Variants in ZIM3 observed in about 807,000 individuals in gnomAD.
The protein encoded by ZIM3 is zinc finger protein 657.
Under a neutral mutation model 12.9 loss-of-function variants are expected in ZIM3, and 11 were observed. The observed-to-expected ratio is 0.85, with a 90% CI of 0.54 to 1.41. The LOEUF (loss-of-function observed/expected upper bound fraction) is 1.41, where lower values mean the gene tolerates loss of function less well. Among genes scored for constraint, ZIM3 ranks in the 40% most tolerant of loss-of-function variants. The pLI is 0.00. For synonymous variants in ZIM3, 205 were observed against 198.5 expected, an observed-to-expected ratio of 1.03 and a Z score of -0.28; for missense variants, 604 against 557.2, an observed-to-expected ratio of 1.08 and a Z score of -0.85.
In ZIM3 at chr19:57,136,989, G is replaced by A. The variant is rs767417547; in HGVS notation, c.143-18C>T. Reference sequence around the variant, plus strand: ...CCCTTGTCCTGTGATGGAAGATACCGCAAGGCTTGGTGTTTGTGGATGTGT... The same window carrying A: ...CCCTTGTCCTGTGATGGAAGATACCACAAGGCTTGGTGTTTGTGGATGTGT... On this transcript the variant is annotated intron_variant, in intron 3 of 4. Coordinates refer to ENST00000269834, the MANE Select transcript of ZIM3 (RefSeq NM_052882.1). 1.8e-5 allele frequency: 29 copies of A among 1,612,090 alleles called. No homozygotes were observed. Among genetic ancestry groups the A allele is most frequent in the Admixed American group, 1.7e-4 (10 of 59,976 alleles).
intron 2 of ZIM3, among the ~76,000 whole-genome samples, chr19:57,140,317 C>T (rs542924207): frequency 6.6e-6 from 1 of 152,108 alleles, no homozygotes; most frequent in Non-Finnish European, 1.5e-5. Context: ...GCTGGGATTA[C>T]AGGCGCGCAC....
intron 2 of ZIM3, among the ~76,000 whole-genome samples, chr19:57,141,628 A>G (rs2086914420): frequency 6.6e-6 from 1 of 152,086 alleles, no homozygotes; most frequent in African/African-American, 2.4e-5. Flanking sequence ...AGGCAGGCAG[A>G]TCACCTGAGG....
intron 3 of ZIM3, 56 bp downstream of exon 3, chr19:57,138,416 T>A: frequency 1.9e-6 from 3 of 1,613,012 alleles, no homozygotes; most frequent in Non-Finnish European, 2.5e-6. Context: ...CCATGGGGTG[T>A]CTGTGTGTTT....
chr19:57,136,082 G>A lies in ZIM3; in HGVS notation c.255C>T (p.Asp85=). 1 of 1,603,782 alleles carries A rather than the reference G, an allele frequency of 6.2e-7. No homozygotes were observed. Among genetic ancestry groups the A allele is most frequent in the Non-Finnish European group, 8.5e-7 (1 of 1,175,978 alleles). ...TTGGCTTCCAAATCTGCCCTCCAAT[G>A]TCCCCATTTTTTTCTAAAATGGAAT... ...LGSGRAEKNG[D]IGGQIWKPKD... is the part of the protein sequence containing the mutation. Residue 85 remains aspartate, a synonymous_variant, in exon 5 of 5, where the codon GAC becomes GAT. Transcript: ENST00000269834.
chr19:57,144,129 G>A (rs2086927043), intron 1 of ZIM3, among the ~76,000 whole-genome samples: 1 of 152,162 alleles, frequency 6.6e-6, no homozygotes, highest in African/African-American at 2.4e-5. Context: ...CCGGCTCACA[G>A]CAGTTTAAAA....
chr19:57,140,788 G>A (rs1430023245), intron 2 of ZIM3, among the ~76,000 whole-genome samples: 3 of 152,114 alleles, frequency 2.0e-5, no homozygotes, highest in African/African-American at 4.8e-5. Context: ...TGCCTTTCCT[G>A]TCAACAGGAA....
chr19:57,135,337 G>T lies in ZIM3; in HGVS notation c.1000C>A (p.Pro334Thr). The T allele has an allele frequency of 1.2e-6, 2 of 1,614,012 alleles. No homozygotes were observed. The highest frequency in any genetic ancestry group is 1.7e-4 in the Middle Eastern group (1 of 6,060). The change falls in exon 5 of 5, where the codon CCC becomes ACC. Residue 334 changes from proline to threonine, a missense_variant. Coordinates refer to ENST00000269834, the MANE Select transcript of ZIM3 (RefSeq NM_052882.1). ...KHQRIHTGEKPYKCSICEKAF... is the reference protein window; with the variant it reads ...KHQRIHTGEKTYKCSICEKAF... ...TTCTCACATATGCTACATTTATAGG[G>T]TTTCTCTCCCGTGTGTATTCTCTGG...
At chr19:57,140,091 G>T (rs555032880) in intron 2 of ZIM3, among the ~76,000 whole-genome samples, 22 of 152,322 alleles carry the variant, frequency 1.4e-4, no homozygotes, top group African/African-American at 5.3e-4. Context: ...CTAAGAGCCA[G>T]CACCTAGTGT....
At chr19:57,143,195 G>A (rs1244028411) in intron 1 of ZIM3, among the ~76,000 whole-genome samples, 1 of 152,196 alleles carries the variant, frequency 6.6e-6, no homozygotes, top group Admixed American at 6.5e-5. Context: ...GCCAGGCGTG[G>A]TGGCGGGCGC....
intron 3 of ZIM3, among the ~76,000 whole-genome samples, chr19:57,137,966 GGAAAGAAGGAAGGAAA>G: frequency 3.1e-5 from 2 of 63,666 alleles, no homozygotes; most frequent in African/African-American, 1.6e-4. Context: ...AAGGAAGGAA[GGAAAGAAGGAAGGAAA>G]GAAGGAAGGA....
chr19:57,139,980 T>G (rs1378234442), intron 2 of ZIM3, among the ~76,000 whole-genome samples: 2 of 152,246 alleles, frequency 1.3e-5, no homozygotes, highest in East Asian at 3.9e-4. Flanking sequence ...GCAGCCATAC[T>G]GGACTTACGG....
chr19:57,137,894 GGAAGGAAA>G (rs1235214605), intron 3 of ZIM3, among the ~76,000 whole-genome samples: 9 of 57,314 alleles, frequency 1.6e-4, no homozygotes, highest in Non-Finnish European at 2.6e-4. Flanking sequence ...AAGGAAAGAA[GGAAGGAAA>G]GAAGGAAGGA....
rs1336255348 is a variant in ZIM3 at position 57,144,919 on chromosome 19, C to G, written c.-103G>C. On this transcript the variant is annotated 5_prime_UTR_variant, in exon 1 of 5. Coordinates refer to ENST00000269834, the MANE Select transcript of ZIM3 (RefSeq NM_052882.1). ...TGATTTCTGATGCCTGTGGTCTTTT[C>G]TTCTGAAAGGGACTGAAAATGAAAA... 1 of 152,158 alleles carries G rather than the reference C, an allele frequency of 6.6e-6. No homozygotes were observed. The highest frequency in any genetic ancestry group is 1.5e-5 in the Non-Finnish European group (1 of 68,036). The allele number at this position is 152,158 out of a possible 1,614,324, so 9.4% of individuals were successfully genotyped here. A position where few individuals can be genotyped will look rare whatever the true frequency, so the allele number is the denominator to read the frequency against.
At chr19:57,142,160 T>TC (rs2086916635) in intron 2 of ZIM3, among the ~76,000 whole-genome samples, 1 of 149,870 alleles carries the variant, frequency 6.7e-6, no homozygotes, top group East Asian at 2.0e-4. Flanking sequence ...TTTTTTTTTT[T>TC]TGAGACAGGG....
chr19:57,134,686 A>G lies in ZIM3; in HGVS notation c.*232T>C, dbSNP rs1436505678. On this transcript the variant is annotated 3_prime_UTR_variant, in exon 5 of 5. Coordinates refer to ENST00000269834, the MANE Select transcript of ZIM3 (RefSeq NM_052882.1). ...TTTAGCACATTTGGTTTATTGCTAC[A>G]TCTTCAGTGTTTAAGAGTTCCTGGT... 1 of 486,188 alleles carries G rather than the reference A, an allele frequency of 2.1e-6. No homozygotes were observed. 30.1% of individuals were successfully genotyped at this position (486,188 alleles called of 1,614,324 possible). A position where few individuals can be genotyped will look rare whatever the true frequency, so the allele number is the denominator to read the frequency against.
rs1476029950 is a variant in ZIM3 at position 57,140,971 on chromosome 19, C to T, written c.15+1658G>A. On this transcript the variant is annotated intron_variant, in intron 2 of 4. Coordinates refer to ENST00000269834, the MANE Select transcript of ZIM3 (RefSeq NM_052882.1). ...TTACAGAATTTGTTTCAAATACACA[C>T]CGAACAAAGTTGGGAGAGGACACAC... 2.6e-5 allele frequency among the ~76,000 whole-genome samples: 4 copies of T among 152,248 alleles called. No homozygotes were observed. In the East Asian group the frequency reaches 7.7e-4, roughly 29 times the overall value.
At position 57,135,000 on chromosome 19, in the gene ZIM3, G is replaced by C. The variant is rs1264874501; in HGVS notation, c.1337C>G (p.Pro446Arg). ...TTTACCGCATTCAGAACATCCATAA[G>C]GTTTTTGTCCAGTATGGGTTTTTTT... is the stretch of plus-strand genomic sequence containing the variant. ...LHKKTHTGQK[P>R]YGCSECGKAF... Residue 446 changes from proline (P) to arginine (R), a missense_variant, in exon 5 of 5, where the codon CCT (proline) becomes CGT (arginine). Pro to Arg is a moderately radical substitution (Grantham distance 103). Coordinates refer to ENST00000269834, the MANE Select transcript of ZIM3 (RefSeq NM_052882.1). The C allele has an allele frequency of 1.9e-6, 3 of 1,614,100 alleles. No individual in the cohort carries two copies. Among genetic ancestry groups the C allele is most frequent in the Admixed American group, 1.7e-5 (1 of 60,024 alleles).
chr19:57,134,793 G>T lies in ZIM3; in HGVS notation c.*125C>A. The T allele has an allele frequency of 1.1e-6, 1 of 946,398 alleles. No individual in the cohort carries two copies. Among genetic ancestry groups the T allele is most frequent in the African/African-American group, 1.6e-5 (1 of 60,718 alleles). 58.6% of individuals were successfully genotyped at this position (946,398 alleles called of 1,614,324 possible). ...GCCGAATGGGTTTTCAAAGGATACT[G>T]TGATAATAAGTCCTCGCTACCTTCA... On this transcript the variant is annotated 3_prime_UTR_variant, in exon 5 of 5. Coordinates refer to ENST00000269834, the MANE Select transcript of ZIM3 (RefSeq NM_052882.1).
chr19:57,140,446 G>A (rs2086908917), intron 2 of ZIM3, among the ~76,000 whole-genome samples: 1 of 151,958 alleles, frequency 6.6e-6, no homozygotes, highest in South Asian at 2.1e-4. Context: ...GAAGAGCTGG[G>A]ATTAAAGGGA....
Sources: allele counts gnomAD v4.1 joint callset (sites outside exome capture counted in the v4.1 genomes callset), GRCh38; gene constraint gnomAD v4.1.1; transcripts MANE v1.5; gene names NCBI Gene and HGNC (gene_info 2026-07-23, HGNC 2026-07-21).